Variants in FLT1 observed in about 807,000 individuals in gnomAD.
The protein encoded by FLT1 is vascular endothelial growth factor receptor 1.
FLT1 carries 49 observed loss-of-function variants against 156.3 expected under a neutral mutation model. The observed-to-expected ratio is 0.31, with a 90% CI of 0.25 to 0.40. The LOEUF is 0.40. Ranked by LOEUF, FLT1 falls within the 10% of genes least tolerant of loss-of-function variation. The pLI, the probability that FLT1 is intolerant of heterozygous loss-of-function variation, is 1.00. For synonymous variants in FLT1, 594 were observed against 583.8 expected, an observed-to-expected ratio of 1.02 and a Z score of -0.25; for missense variants, 1,322 against 1,637.2, an observed-to-expected ratio of 0.81 and a Z score of 3.32.
chr13:28,397,046 G>C lies in FLT1; in HGVS notation c.1574C>G (p.Ala525Gly). 1 of 1,613,112 alleles carries C rather than the reference G, an allele frequency of 6.2e-7. No individual in the cohort carries two copies. The highest frequency in any genetic ancestry group is 8.5e-7 in the Non-Finnish European group (1 of 1,179,216). ...KNKMASTLVV[A>G]DSRISGIYIC... ...GTAGATTCCAGAAATTCTAGAGTCA[G>C]CCACAACCAAGGTGCTAGCCATCTG... Residue 525 changes from alanine to glycine, a missense_variant, in exon 12 of 30, where the codon GCT becomes GGT. Coordinates refer to ENST00000282397, the MANE Select transcript of FLT1 (RefSeq NM_002019.4).
intron 9 of FLT1, 90 bp from the exon 10 acceptor site, chr13:28,427,408 G>T: frequency 8.5e-7 from 1 of 1,178,304 alleles, no homozygotes; most frequent in Non-Finnish European, 1.3e-6. Context: ...ATTCTCACTG[G>T]CTTTGATGTC....
intron 28 of FLT1, chr13:28,308,340 T>C: frequency 5.0e-6 from 1 of 199,208 alleles, no homozygotes; most frequent in Non-Finnish European, 1.0e-5. Context: ...CTGGGAGACC[T>C]CTTGTTTGCC....
intron 14 of FLT1, among the ~76,000 whole-genome samples, chr13:28,380,509 C>T (rs11839117): frequency 0.01 from 1,577 of 152,010 alleles, 30 homozygotes; most frequent in African/African-American, 0.036. Context: ...TAAAAGGAAG[C>T]GAGAGAAAGA....
At chr13:28,315,319 C>T (rs1381422374) in intron 25 of FLT1, among the ~76,000 whole-genome samples, 2 of 152,204 alleles carry the variant, frequency 1.3e-5, no homozygotes, top group Admixed American at 6.5e-5. Context: ...CTTTGGGAGG[C>T]CAAGGCCAGT....
In FLT1 at chr13:28,308,781, T is replaced by C; in HGVS notation, c.3720+62A>G. ...CTACTACATTACTGGCGTTGGTGTT[T>C]GGAAGGGATCTGAAGAAGGGGTCTA... On this transcript the variant is annotated intron_variant, in intron 28 of 29. Transcript: ENST00000282397. 3.0e-6 allele frequency: 3 copies of C among 1,009,264 alleles called. No homozygotes were observed. The South Asian group carries it at 3.8e-5, about 13-fold the overall frequency. The allele number at this position is 1,009,264 out of a possible 1,614,324, so 62.5% of individuals were successfully genotyped here. A position where few individuals can be genotyped will look rare whatever the true frequency, so the allele number is the denominator to read the frequency against.
intron 29 of FLT1, 132 bp from the exon 30 acceptor site, chr13:28,303,500 C>CCG (rs1555297836): frequency 3.2e-5 from 25 of 785,656 alleles, no homozygotes; most frequent in Middle Eastern, 3.5e-4. Context: ...GAACCCCCCC[C>CCG]CCCTCAATTG....
chr13:28,388,891 C>G (rs1330727482), intron 13 of FLT1: 1 of 1,064,028 alleles, frequency 9.4e-7, no homozygotes, highest in Non-Finnish European at 1.1e-6. Flanking sequence ...GCATGATCCA[C>G]TTTCTTTCAG....
Position 28,345,531 on chromosome 13 carries a change from G to T in FLT1, c.2269C>A (p.Leu757Met). ...TVQGTSDKSN[L>M]ELITLTCTCV... ...GTGCATGTTAGAGTGATCAGCTCCA[G>T]ATTAGACTTGTCCGAGGTTCCTGGA... is the stretch of plus-strand genomic sequence containing the variant. Residue 757 changes from leucine to methionine, a missense_variant, in exon 16 of 30, where the codon CTG becomes ATG. Leu to Met is a conservative substitution (Grantham distance 15). Around this residue, in one of 3 missense-constraint regions of FLT1, gnomAD observed 991 missense variants for 1,254.8 expected, o/e 0.79. Coordinates refer to ENST00000282397, the MANE Select transcript of FLT1 (RefSeq NM_002019.4). 6.2e-7 allele frequency: 1 copy of T among 1,610,698 alleles called. No individual in the cohort carries two copies. The highest frequency in any genetic ancestry group is 1.1e-5 in the South Asian group (1 of 90,664).
Position 28,302,548 on chromosome 13 carries a change from A to C in FLT1, c.*619T>G. ...CCATCTGCTCCTGGCTGGGCCCTCA[A>C]ATGTAGAAGGGTCAGAGCTGGGAAG... is the stretch of plus-strand genomic sequence containing the variant. On this transcript the variant is annotated 3_prime_UTR_variant, in exon 30 of 30. Coordinates refer to ENST00000282397, the MANE Select transcript of FLT1 (RefSeq NM_002019.4). 1 of 233,336 alleles carries C rather than the reference A, an allele frequency of 4.3e-6. No homozygotes were observed. The highest frequency in any genetic ancestry group is 2.2e-5 in the African/African-American group (1 of 45,450). 14.5% of individuals were successfully genotyped at this position (233,336 alleles called of 1,614,324 possible). A position where few individuals can be genotyped will look rare whatever the true frequency, so the allele number is the denominator to read the frequency against.
intron 14 of FLT1, among the ~76,000 whole-genome samples, chr13:28,358,514 G>A (rs961455792): frequency 6.6e-6 from 1 of 152,128 alleles, no homozygotes; most frequent in Non-Finnish European, 1.5e-5. Context: ...GTAGTGGAAG[G>A]AGTCCCAAGA....
At position 28,387,066 on chromosome 13, in the gene FLT1, C is replaced by T. The variant is rs534240837; in HGVS notation, c.1970-2035G>A. ...ACTCCCTGACAGGTGGATTGGAAAA[C>T]GGTGTTTAAAGAGAAGAGAACATTT... is the stretch of plus-strand genomic sequence containing the variant. On this transcript the variant is annotated intron_variant, in intron 13 of 29. Coordinates refer to ENST00000282397, the MANE Select transcript of FLT1 (RefSeq NM_002019.4). 2.6e-5 allele frequency: 27 copies of T among 1,036,074 alleles called. No homozygotes were observed. The East Asian group carries it at 6.0e-4, about 23-fold the overall frequency. 64.2% of individuals were successfully genotyped at this position (1,036,074 alleles called of 1,614,324 possible). A position where few individuals can be genotyped will look rare whatever the true frequency, so the allele number is the denominator to read the frequency against.
intron 11 of FLT1, 40 bp from the exon 12 acceptor site, chr13:28,397,108 A>C: frequency 8.4e-7 from 1 of 1,191,474 alleles, no homozygotes; most frequent in South Asian, 1.2e-5. Context: ...AACAGGACAA[A>C]TAACTAATTG....
intron 3 of FLT1, among the ~76,000 whole-genome samples, chr13:28,458,136 C>T (rs1344184174): frequency 6.6e-6 from 1 of 151,944 alleles, no homozygotes; most frequent in African/African-American, 2.4e-5. Context: ...GGGGTTTCAC[C>T]ATGTCCGTCA....
intron 28 of FLT1, among the ~76,000 whole-genome samples, chr13:28,307,786 T>TC (rs1335920672): frequency 3.3e-5 from 5 of 151,406 alleles, no homozygotes; most frequent in Admixed American, 6.6e-5. Flanking sequence ...CTTTTTTTTT[T>TC]GAGACGGAGT....
intron 2 of FLT1, among the ~76,000 whole-genome samples, 191 bp downstream of exon 2, chr13:28,467,330 C>T (rs1879907032): frequency 6.6e-6 from 1 of 152,038 alleles, no homozygotes; most frequent in South Asian, 2.1e-4. Flanking sequence ...GGCATCCCTT[C>T]CCCCATTTCC....
chr13:28,302,777 G>C lies in FLT1; in HGVS notation c.*390C>G, dbSNP rs1462068777. 1 of 265,108 alleles carries C rather than the reference G, an allele frequency of 3.8e-6. No individual in the cohort carries two copies. The highest frequency in any genetic ancestry group is 7.2e-6 in the Non-Finnish European group (1 of 138,428). 16.4% of individuals were successfully genotyped at this position (265,108 alleles called of 1,614,324 possible). On this transcript the variant is annotated 3_prime_UTR_variant, in exon 30 of 30. Transcript: ENST00000282397. ...AGTGATCCCTGGGGCTAACGGGCTT[G>C]TTGCCCTGGGTTTTGGGCTGCAGGG...
At chr13:28,488,441 A>T (rs2137669507) in intron 1 of FLT1, among the ~76,000 whole-genome samples, 1 of 151,606 alleles carries the variant, frequency 6.6e-6, no homozygotes, top group East Asian at 2.0e-4. Context: ...CTGACTTTGG[A>T]TCCTTTACTA....
At position 28,466,915 on chromosome 13, in the gene FLT1, T is replaced by C. The variant is rs1350981115; in HGVS notation, c.376A>G (p.Ile126Val). ...KKKETESAIY[I>V]FISDTGRPFV... ...ATGGAAGTCTTACCACTAATAAATATATAGATTGCAGATTCTGTTTCCTTC... is the reference window on the plus strand; with the variant it reads ...ATGGAAGTCTTACCACTAATAAATACATAGATTGCAGATTCTGTTTCCTTC... Residue 126 changes from isoleucine (I) to valine (V), a missense_variant, in exon 3 of 30, where the codon ATA (isoleucine) becomes GTA (valine). Around this residue, in one of 3 missense-constraint regions of FLT1, gnomAD observed 991 missense variants for 1,254.8 expected, o/e 0.79. Transcript: ENST00000282397. The C allele has an allele frequency of 1.9e-6, 3 of 1,604,944 alleles. No homozygotes were observed. Among genetic ancestry groups the C allele is most frequent in the African/African-American group, 1.3e-5 (1 of 74,738 alleles).
Position 28,430,056 on chromosome 13 carries a change from A to G in FLT1, c.1100T>C (p.Val367Ala). The G allele has an allele frequency of 6.2e-7, 1 of 1,606,352 alleles. No individual in the cohort carries two copies. The highest frequency in any genetic ancestry group is 1.1e-5 in the South Asian group (1 of 90,928). ...GAAATAAGGATGGTCCTACCATACA[A>G]CTTCCGGCGAGGGAAATGCCTTCAC... ...MKVKAFPSPE[V>A]VWLKDGLPAT... The change falls in exon 8 of 30, where the codon GTT becomes GCT. Residue 367 changes from valine (V) to alanine (A), a missense_variant. Physicochemically the swap from Val to Ala is moderately conservative, Grantham distance 64 (BLOSUM62 0). Around this residue, in one of 3 missense-constraint regions of FLT1, gnomAD observed 991 missense variants for 1,254.8 expected, o/e 0.79. Transcript: ENST00000282397.
Sources: gnomAD v4.1 joint callset for allele counts (sites outside exome capture counted in the v4.1 genomes callset) on GRCh38, gnomAD v4.1.1 for gene constraint, gnomAD v4.1.1 regional missense constraint, MANE v1.5 for transcripts, NCBI Gene and HGNC (gene_info 2026-07-23, HGNC 2026-07-21) for gene names.